Variants in ALS2 observed in about 807,000 individuals in gnomAD.
ALS2 encodes alsin Rho guanine nucleotide exchange factor ALS2.
In ALS2, 117 loss-of-function variants were observed where a neutral mutation model predicts 203.4. The ratio of observed to expected loss-of-function variants is 0.58; its 90% confidence interval spans 0.50 to 0.67. The LOEUF is 0.67. ALS2 is among the 30% of genes least tolerant of loss of function. The pLI is 0.00. For missense variants in ALS2, 1,715 were observed against 1,989.4 expected, an observed-to-expected ratio of 0.86 and a Z score of 2.62; for synonymous variants, 718 against 725.9, an observed-to-expected ratio of 0.99 and a Z score of 0.17.
intron 4 of ALS2, among the ~76,000 whole-genome samples, chr2:201,757,996 T>C (rs902494979): frequency 1.3e-4 from 20 of 152,202 alleles, no homozygotes; most frequent in African/African-American, 4.8e-4. Context: ...TGTCTAGATG[T>C]TGTGTTTTTC....
rs1371833283 is a variant in ALS2, at chr2:201,729,070, G to A, written c.2694C>T (p.Thr898=). Residue 898 remains threonine (T), a synonymous_variant, in exon 14 of 34, where the codon ACC becomes ACT. Coordinates refer to ENST00000264276, the MANE Select transcript of ALS2 (RefSeq NM_020919.4). ...GGCTTACCGTCATTTTTCCGGGGAA[G>A]GTCTTCCAGAAGCCCAGTGTGTATT... The part of the protein sequence containing the change: ...EAEYTLGFWK[T]FPGKMTDSLR... 1.2e-6 allele frequency: 2 copies of A among 1,614,108 alleles called. No individual in the cohort carries two copies. Among genetic ancestry groups the A allele is most frequent in the East Asian group, 2.2e-5 (1 of 44,874 alleles).
chr2:201,769,042 C>T (rs1694245705), intron 1 of ALS2, 97 bp from the exon 2 acceptor site: 1 of 592,204 alleles, frequency 1.7e-6, no homozygotes, highest in African/African-American at 1.9e-5. Flanking sequence ...TGCACATTCA[C>T]TAGGAAATAA....
chr2:201,729,310 A>G, intron 13 of ALS2, 127 bp from the exon 14 acceptor site: 1 of 1,047,862 alleles, frequency 9.5e-7, no homozygotes, highest in South Asian at 1.5e-5. Flanking sequence ...CACGAGCATA[A>G]GTAGCACACT....
chr2:201,707,595 A>G (rs927730258), intron 28 of ALS2, among the ~76,000 whole-genome samples: 33 of 151,858 alleles, frequency 2.2e-4, no homozygotes, highest in Middle Eastern at 3.4e-3. Context: ...ATGCCCTGCT[A>G]ATTTTTTTTA....
At position 201,726,558 on chromosome 2, in the gene ALS2, C is replaced by T. The variant is rs1398335805; in HGVS notation, c.3183-9G>A. 1.2e-6 allele frequency: 2 copies of T among 1,613,642 alleles called. No homozygotes were observed. Among genetic ancestry groups the T allele is most frequent in the Middle Eastern group, 1.6e-4 (1 of 6,062 alleles). On this transcript the variant is annotated splice_polypyrimidine_tract_variant and intron_variant, in intron 18 of 33. Coordinates refer to ENST00000264276, the MANE Select transcript of ALS2 (RefSeq NM_020919.4). ...GCCACTTCAAAACCCCTCTGGAATG[C>T]ATAAGCAAAGAATAATGCATGTCAA...
At chr2:201,729,269 T>G (rs186782787) in intron 13 of ALS2, 86 bp from the exon 14 acceptor site, 1 of 1,455,048 alleles carries the variant, frequency 6.9e-7, no homozygotes, top group East Asian at 2.4e-5. Flanking sequence ...GCCTTAGACA[T>G]ATAGTATTAA....
intron 24 of ALS2, 91 bp from the exon 25 acceptor site, chr2:201,715,930 G>A: frequency 6.8e-7 from 1 of 1,467,652 alleles, no homozygotes; most frequent in Non-Finnish European, 9.5e-7. Context: ...AACTGAGAAT[G>A]CTTTTTTCGT....
intron 1 of ALS2, among the ~76,000 whole-genome samples, chr2:201,780,335 T>C (rs1328312908): frequency 6.6e-6 from 1 of 152,222 alleles, no homozygotes; most frequent in Admixed American, 6.5e-5. Context: ...TTGCCTAAAC[T>C]ACTAATTCTT....
At chr2:201,771,929 A>C (rs116031943) in intron 1 of ALS2, among the ~76,000 whole-genome samples, 6 of 152,212 alleles carry the variant, frequency 3.9e-5, no homozygotes, top group Non-Finnish European at 7.3e-5. Flanking sequence ...TTGCATAAAC[A>C]GCATTTACTG....
intron 19 of ALS2, among the ~76,000 whole-genome samples, chr2:201,725,797 C>A (rs1055164979): frequency 1.3e-5 from 2 of 152,180 alleles, no homozygotes; most frequent in Non-Finnish European, 2.9e-5. Flanking sequence ...ATAAGAGGGG[C>A]AACTCAGTGG....
At chr2:201,741,902 C>A (rs951940033) in intron 10 of ALS2, 48 bp from the exon 11 acceptor site, 38 of 1,470,830 alleles carry the variant, frequency 2.6e-5, no homozygotes, top group Non-Finnish European at 3.4e-5. Flanking sequence ...GAAAACCGAT[C>A]ACTTTATTAT....
intron 7 of ALS2, among the ~76,000 whole-genome samples, chr2:201,751,954 C>G (rs1262881734): frequency 6.6e-6 from 1 of 152,150 alleles, no homozygotes; most frequent in Non-Finnish European, 1.5e-5. Context: ...CTCATATATA[C>G]TTGAGATTAT....
chr2:201,705,277 G>A, intron 30 of ALS2, 77 bp from the exon 31 acceptor site: 4 of 1,481,910 alleles, frequency 2.7e-6, no homozygotes, highest in Middle Eastern at 1.7e-4. Flanking sequence ...TGATGTCAGA[G>A]TGCAGGTCTT....
chr2:201,749,486 C>T (rs1692885350), intron 8 of ALS2, among the ~76,000 whole-genome samples: 1 of 152,058 alleles, frequency 6.6e-6, no homozygotes, highest in Non-Finnish European at 1.5e-5. Context: ...AGAAACTATG[C>T]ATATTTAATG....
rs569854501 is a variant in ALS2 at position 201,761,068 on chromosome 2, C to T, written c.926G>A (p.Ser309Asn). ...GGCATCGCTGCTTGTGATCTGAGCA[C>T]TTACTGCATTCAGTTCAGTAGCAAC... ...QSVATELNAVSAQITSSDAMS... is the reference protein window; with the variant it reads ...QSVATELNAVNAQITSSDAMS... Residue 309 changes from serine (S) to asparagine (N), a missense_variant, in exon 4 of 34, where the codon AGT becomes AAT. Around this residue, in one of 3 missense-constraint regions of ALS2, gnomAD observed 476 missense variants for 539.3 expected, o/e 0.88. Coordinates refer to ENST00000264276, the MANE Select transcript of ALS2 (RefSeq NM_020919.4). 1.2e-6 allele frequency: 2 copies of T among 1,614,166 alleles called. No individual in the cohort carries two copies. Among genetic ancestry groups the T allele is most frequent in the African/African-American group, 1.3e-5 (1 of 75,048 alleles).
intron 7 of ALS2, among the ~76,000 whole-genome samples, chr2:201,751,584 G>T (rs550265560): frequency 2.0e-4 from 31 of 152,176 alleles, no homozygotes; most frequent in African/African-American, 7.5e-4. Context: ...CACATATGTT[G>T]CAGATATTTT....
In ALS2 at chr2:201,726,379, C is replaced by G. The variant is rs1050262931; in HGVS notation, c.3248+105G>C. ...CATGTGCATTTCTAAAAAATAACAA[C>G]AAAAATCTACTACTTGTTTGAAAAG... On this transcript the variant is annotated intron_variant, in intron 19 of 33. Transcript: ENST00000264276. 30 of 1,077,700 alleles carry G rather than the reference C, an allele frequency of 2.8e-5. No homozygotes were observed. The African/African-American group carries it at 4.4e-4, about 16-fold the overall frequency. 66.8% of individuals were successfully genotyped at this position (1,077,700 alleles called of 1,614,324 possible). A position where few individuals can be genotyped will look rare whatever the true frequency, so the allele number is the denominator to read the frequency against.
At chr2:201,763,871 A>G in intron 3 of ALS2, among the ~76,000 whole-genome samples, 1 of 152,370 alleles carries the variant, frequency 6.6e-6, no homozygotes, top group South Asian at 2.1e-4. Flanking sequence ...GTTTTAAAAA[A>G]TACTGAGCCA....
chr2:201,728,653 A>AC lies in ALS2; in HGVS notation c.2713-14dup. On this transcript the variant is annotated splice_polypyrimidine_tract_variant and intron_variant, in intron 14 of 33. Transcript: ENST00000264276. ...TCCTCAAGGAATCCTGGAATTAAAG[A>AC]CAAATATAATACAAGTCAAACAATC... 1 of 1,613,438 alleles carries AC rather than the reference A, an allele frequency of 6.2e-7. No individual in the cohort carries two copies. The highest frequency in any genetic ancestry group is 8.5e-7 in the Non-Finnish European group (1 of 1,179,476).
Sources: allele counts gnomAD v4.1 joint callset (sites outside exome capture counted in the v4.1 genomes callset), GRCh38; gene constraint gnomAD v4.1.1; regional missense constraint gnomAD v4.1.1; transcripts MANE v1.5; gene names NCBI Gene and HGNC (gene_info 2026-07-23, HGNC 2026-07-21).